WHRN: variants seen among roughly 807,000 people sequenced by gnomAD.
WHRN encodes the protein whirlin, also known as CASK-interacting protein CIP98.
Under a neutral mutation model 68.3 loss-of-function variants are expected in WHRN, and 41 were observed. The ratio of observed to expected loss-of-function variants is 0.60; its 90% CI spans 0.47 to 0.78. WHRN has a LOEUF of 0.78. WHRN is among the 30% of genes least tolerant of loss of function. WHRN has a pLI of 0.00. For synonymous variants in WHRN, 560 were observed against 561.3 expected, an observed-to-expected ratio of 1.00 and a Z score of 0.03; for missense variants, 1,243 against 1,244.7, an observed-to-expected ratio of 1.00 and a Z score of 0.02.
chr9:114,463,587 G>A (rs1215465492), intron 3 of WHRN, among the ~76,000 whole-genome samples: 1 of 152,164 alleles, frequency 6.6e-6, no homozygotes, highest in Non-Finnish European at 1.5e-5. Context: ...TCTCGGTCTT[G>A]ACAAATATAC....
intron 8 of WHRN, among the ~76,000 whole-genome samples, chr9:114,407,293 G>A (rs923613038): frequency 5.3e-5 from 8 of 152,224 alleles, no homozygotes; most frequent in Non-Finnish European, 1.0e-4. Flanking sequence ...GGACTGGAGA[G>A]AGAATGGACA....
At chr9:114,442,327 G>A (rs1838443034) in intron 3 of WHRN, among the ~76,000 whole-genome samples, 1 of 152,152 alleles carries the variant, frequency 6.6e-6, no homozygotes, top group Non-Finnish European at 1.5e-5. Flanking sequence ...TGTCCTGATT[G>A]TGACCATTGT....
chr9:114,462,284 C>T (rs1365826220), intron 3 of WHRN, among the ~76,000 whole-genome samples: 1 of 152,150 alleles, frequency 6.6e-6, no homozygotes, highest in African/African-American at 2.4e-5. Context: ...TTTCCTGTCC[C>T]CCATTTTCCT....
intron 1 of WHRN, among the ~76,000 whole-genome samples, chr9:114,492,015 G>GAA (rs60968756): frequency 7.5e-4 from 108 of 144,530 alleles, no homozygotes; most frequent in South Asian, 1.1e-3. Context: ...TTTGTAATTT[G>GAA]AAAAAAAAAA....
intron 7 of WHRN, among the ~76,000 whole-genome samples, chr9:114,420,211 C>CT (rs1246081588): frequency 6.6e-6 from 1 of 152,184 alleles, no homozygotes; most frequent in Non-Finnish European, 1.5e-5. Context: ...CTCCAAACCC[C>CT]TTTTCTATTT....
chr9:114,501,419 G>T (rs963957865), intron 1 of WHRN, among the ~76,000 whole-genome samples: 1 of 152,162 alleles, frequency 6.6e-6, no homozygotes. Flanking sequence ...GGTAACAATG[G>T]ATGCTTGATT....
chr9:114,480,536 T>C (rs1469895221), intron 1 of WHRN, among the ~76,000 whole-genome samples: 2 of 152,166 alleles, frequency 1.3e-5, no homozygotes, highest in Non-Finnish European at 2.9e-5. Flanking sequence ...ATGGAAGTTT[T>C]CAAGTCTGAA....
intron 3 of WHRN, among the ~76,000 whole-genome samples, chr9:114,434,430 C>A (rs1837673487): frequency 6.8e-6 from 1 of 147,262 alleles, no homozygotes; most frequent in African/African-American, 2.6e-5. Context: ...AAATTCACTC[C>A]CCCAGTCACA....
intron 1 of WHRN, among the ~76,000 whole-genome samples, chr9:114,484,779 A>G (rs932742884): frequency 2.0e-5 from 3 of 152,264 alleles, no homozygotes; most frequent in African/African-American, 7.2e-5. Context: ...GTATGTCTTC[A>G]AACTTAATAA....
At chr9:114,439,135 G>T (rs1324282759) in intron 3 of WHRN, among the ~76,000 whole-genome samples, 1 of 152,156 alleles carries the variant, frequency 6.6e-6, no homozygotes, top group Non-Finnish European at 1.5e-5. Context: ...TGCCTTTAAG[G>T]AGCAGGTGAG....
chr9:114,407,411 G>A (rs1835115606), intron 8 of WHRN, among the ~76,000 whole-genome samples: 1 of 152,114 alleles, frequency 6.6e-6, no homozygotes, highest in African/African-American at 2.4e-5. Flanking sequence ...ACCCAGCAGA[G>A]GTGGTGTGGT....
intron 9 of WHRN, among the ~76,000 whole-genome samples, chr9:114,405,070 CTTTTTTT>C (rs34172199): frequency 9.2e-6 from 1 of 109,198 alleles, no homozygotes; most frequent in East Asian, 2.7e-4. Flanking sequence ...CTCTCTCTCT[CTTTTTTT>C]TTTTTTTTTT....
Position 114,402,845 on chromosome 9 carries a change from C to T in WHRN, c.2633G>A (p.Arg878Gln), listed in dbSNP as rs138731082. The change falls in exon 12 of 12, where the codon CGG becomes CAG. Residue 878 changes from arginine (R) to glutamine (Q), a missense_variant. Transcript: ENST00000362057. ...NGLTLRGKEH[R>Q]EAARIIAEAF... Reference sequence around the variant, plus strand: ...CTCGGCGATAATGCGGGCGGCCTCCCGGTGCTCCTTGCCCCGAAGCGTCAG... The same window carrying T: ...CTCGGCGATAATGCGGGCGGCCTCCTGGTGCTCCTTGCCCCGAAGCGTCAG... 2.4e-5 allele frequency: 39 copies of T among 1,614,102 alleles called. No individual in the cohort carries two copies. Among genetic ancestry groups the T allele is most frequent in the East Asian group, 1.3e-4 (6 of 44,882 alleles).
chr9:114,404,791 G>A (rs569143087), intron 9 of WHRN, among the ~76,000 whole-genome samples: 1 of 152,312 alleles, frequency 6.6e-6, no homozygotes, highest in Non-Finnish European at 1.5e-5. Flanking sequence ...TGGGGTGATT[G>A]TAAAAACTCA....
intron 3 of WHRN, among the ~76,000 whole-genome samples, chr9:114,442,894 AT>A (rs1179274925): frequency 6.6e-6 from 1 of 152,056 alleles, no homozygotes; most frequent in Non-Finnish European, 1.5e-5. Flanking sequence ...ACAAGGGTAT[AT>A]GGGAGTTCTT....
chr9:114,426,371 T>C lies in WHRN; in HGVS notation c.1006A>G (p.Asn336Asp), dbSNP rs1836861926. 1.2e-6 allele frequency: 2 copies of C among 1,612,432 alleles called. No homozygotes were observed. The highest frequency in any genetic ancestry group is 1.3e-5 in the African/African-American group (1 of 74,418). Reference protein sequence around the residue: ...ILEVNGRSFLNILHDEAVRLL... With the variant: ...ILEVNGRSFLDILHDEAVRLL... ...CTGACAGCCTCGTCGTGTAGGATGT[T>C]GAGAAAGCTCCGCCCATTCACTTCT... Residue 336 changes from asparagine to aspartate, a missense_variant, in exon 4 of 12, where the codon AAC (asparagine) becomes GAC (aspartate). Physicochemically the swap from Asn to Asp is conservative, Grantham distance 23 (BLOSUM62 1). Coordinates refer to ENST00000362057, the MANE Select transcript of WHRN (RefSeq NM_015404.4).
chr9:114,444,905 ATTATAT>A (rs1220424101), intron 3 of WHRN, among the ~76,000 whole-genome samples: 6 of 152,030 alleles, frequency 3.9e-5, no homozygotes, highest in African/African-American at 1.5e-4. Context: ...TTTTATCCAT[ATTATAT>A]TCCATGTAGA....
chr9:114,496,915 G>A (rs987424953), intron 1 of WHRN, among the ~76,000 whole-genome samples: 1 of 152,164 alleles, frequency 6.6e-6, no homozygotes, highest in Non-Finnish European at 1.5e-5. Context: ...TTAAGGATGG[G>A]GACAGGAAAG....
chr9:114,448,916 T>A lies in WHRN; in HGVS notation c.963+17351A>T, dbSNP rs369738381. 2.6e-5 allele frequency among the ~76,000 whole-genome samples: 4 copies of A among 152,262 alleles called. No homozygotes were observed. In the East Asian group the frequency reaches 7.7e-4, roughly 29 times the overall value. Reference sequence around the variant, plus strand: ...GAGCATAACTTGTGGTTACTATACATCCCTAAGTCCTGTGGTGGTTATGCG... The same window carrying A: ...GAGCATAACTTGTGGTTACTATACAACCCTAAGTCCTGTGGTGGTTATGCG... On this transcript the variant is annotated intron_variant, in intron 3 of 11. Transcript: ENST00000362057.
Sources: allele counts gnomAD v4.1 joint callset (sites outside exome capture counted in the v4.1 genomes callset), GRCh38; gene constraint gnomAD v4.1.1; transcripts MANE v1.5; gene names NCBI Gene and HGNC (gene_info 2026-07-23, HGNC 2026-07-21).